The following KCNQ5 variants were observed in gnomAD, a reference collection of about 807,000 sequenced individuals.
KCNQ5 encodes the protein potassium voltage-gated channel subfamily Q member 5, also known as potassium voltage-gated channel subfamily KQT member 5.
A neutral mutation model predicts 98.2 loss-of-function variants in KCNQ5; 30 were observed. The ratio of observed to expected loss-of-function variants is 0.31; its 90% CI spans 0.23 to 0.41. The LOEUF is 0.41. KCNQ5 is among the 10% of genes least tolerant of loss of function. KCNQ5 has a pLI of 1.00. For missense variants in KCNQ5, 835 were observed against 1,182.5 expected (o/e 0.71, Z 4.31); for synonymous variants, 458 against 449.4 (o/e 1.02, Z -0.24).
At chr6:73,126,068 A>G (rs902350620) in intron 9 of KCNQ5, among the ~76,000 whole-genome samples, 1 of 152,338 alleles carries the variant, frequency 6.6e-6, no homozygotes. Context: ...TTTTACTTGA[A>G]AAAAGTTACA....
chr6:73,041,872 A>C, intron 2 of KCNQ5, 64 bp from the exon 3 acceptor site: 108 of 1,589,478 alleles, frequency 6.8e-5, no homozygotes, highest in Non-Finnish European at 8.5e-5. Context: ...AAATATGCAT[A>C]GAGCTTCTTA....
intron 1 of KCNQ5, among the ~76,000 whole-genome samples, chr6:72,710,764 T>C (rs903667083): frequency 5.3e-5 from 8 of 152,146 alleles, no homozygotes; most frequent in African/African-American, 1.9e-4. Flanking sequence ...ATACCCCCAC[T>C]TTTAACATTG....
At chr6:73,051,130 T>C (rs1772215061) in intron 3 of KCNQ5, among the ~76,000 whole-genome samples, 1 of 152,206 alleles carries the variant, frequency 6.6e-6, no homozygotes, top group Admixed American at 6.5e-5. Context: ...GCCAAACTAT[T>C]TCCTTTTAAA....
intron 5 of KCNQ5, among the ~76,000 whole-genome samples, chr6:73,104,209 A>C (rs1349372689): frequency 6.6e-6 from 1 of 152,074 alleles, no homozygotes; most frequent in African/African-American, 2.4e-5. Context: ...AAAACCCTAA[A>C]GATTCCAGAA....
At chr6:72,823,107 A>T (rs1317413602) in intron 1 of KCNQ5, among the ~76,000 whole-genome samples, 1 of 152,186 alleles carries the variant, frequency 6.6e-6, no homozygotes, top group Non-Finnish European at 1.5e-5. Flanking sequence ...GGTTCCAGGG[A>T]TTAGAATGTG....
chr6:72,858,863 T>C (rs923034200), intron 1 of KCNQ5, among the ~76,000 whole-genome samples: 2 of 152,242 alleles, frequency 1.3e-5, no homozygotes, highest in East Asian at 1.9e-4. Context: ...TTAATATCTA[T>C]AGTTTAGTTA....
At chr6:72,759,983 C>T (rs1289409241) in intron 1 of KCNQ5, among the ~76,000 whole-genome samples, 3 of 151,946 alleles carry the variant, frequency 2.0e-5, no homozygotes, top group Non-Finnish European at 4.4e-5. Flanking sequence ...TGAGACAACC[C>T]TTACTAAAAG....
chr6:72,935,885 G>A (rs1289069440), intron 1 of KCNQ5, among the ~76,000 whole-genome samples: 1 of 152,136 alleles, frequency 6.6e-6, no homozygotes, highest in Non-Finnish European at 1.5e-5. Flanking sequence ...TTTGGATCCA[G>A]CATTCCAGAT....
At chr6:72,686,859 C>CTGTT (rs1767985141) in intron 1 of KCNQ5, among the ~76,000 whole-genome samples, 1 of 150,738 alleles carries the variant, frequency 6.6e-6, no homozygotes, top group Admixed American at 6.6e-5. Context: ...TGTTCTGTAT[C>CTGTT]TGTTTATTTC....
chr6:72,806,745 C>CTT (rs893784738), intron 1 of KCNQ5: 13 of 441,338 alleles, frequency 2.9e-5, no homozygotes, highest in African/African-American at 2.5e-4. Context: ...AACTGCAGTA[C>CTT]TGAGTTCCCA....
At position 72,859,668 on chromosome 6, in the gene KCNQ5, C is replaced by A. The variant is rs191999055; in HGVS notation, c.399-144240C>A. Reference sequence around the variant, plus strand: ...CAATCACAGCTCATGGCAGCCTCGACCTCCCCAGGCTCAGGTGATCCTTCC... The same window carrying A: ...CAATCACAGCTCATGGCAGCCTCGAACTCCCCAGGCTCAGGTGATCCTTCC... On this transcript the variant is annotated intron_variant, in intron 1 of 13. Transcript: ENST00000370398. 1.2e-3 allele frequency among the ~76,000 whole-genome samples: 188 copies of A among 152,164 alleles called. 2 individuals are homozygous for A. The highest frequency in any genetic ancestry group is 3.8e-3 in the African/African-American group (158 of 41,514).
intron 10 of KCNQ5, among the ~76,000 whole-genome samples, chr6:73,150,109 G>A (rs781242498): frequency 3.3e-5 from 5 of 151,710 alleles, no homozygotes; most frequent in Admixed American, 6.6e-5. Flanking sequence ...AAGAAAAGAT[G>A]TTTAATATCA....
At chr6:72,986,451 A>G (rs569671919) in intron 1 of KCNQ5, 39 of 480,566 alleles carry the variant, frequency 8.1e-5, no homozygotes, top group African/African-American at 7.0e-4. Context: ...TCAATACTCA[A>G]TTTTAAACAA....
Position 72,622,237 on chromosome 6 carries a change from C to T in KCNQ5, c.48C>T (p.Leu16=). The T allele has an allele frequency of 1.6e-6, 2 of 1,245,108 alleles. No homozygotes were observed. Among genetic ancestry groups the T allele is most frequent in the Non-Finnish European group, 2.0e-6 (2 of 997,186 alleles). The allele number at this position is 1,245,108 out of a possible 1,614,324, so 77.1% of individuals were successfully genotyped here. A position where few individuals can be genotyped will look rare whatever the true frequency, so the allele number is the denominator to read the frequency against. The change falls in exon 1 of 14, where the codon CTC becomes CTT. Residue 16 remains leucine (L), a synonymous_variant. Transcript: ENST00000370398. This position sits in a 1 kb window ranked among gnomAD's most constrained non-coding sequence, Gnocchi z 6.0. The part of the protein sequence containing the change: ...AGGEEGGAAG[L]WVKSGAAAAA... Reference sequence around the variant, plus strand: ...GAGAGGAGGGCGGCGCCGCCGGGCTCTGGGTGAAGAGCGGCGCAGCGGCGG... The same window carrying T: ...GAGAGGAGGGCGGCGCCGCCGGGCTTTGGGTGAAGAGCGGCGCAGCGGCGG...
chr6:72,997,833 G>A (rs559603426), intron 1 of KCNQ5, among the ~76,000 whole-genome samples: 1 of 145,426 alleles, frequency 6.9e-6, no homozygotes, highest in Admixed American at 6.9e-5. Flanking sequence ...TTCAGTGATA[G>A]TATTTATTGA....
chr6:73,109,827 C>G (rs893881240), intron 6 of KCNQ5, among the ~76,000 whole-genome samples: 3 of 152,140 alleles, frequency 2.0e-5, no homozygotes, highest in Non-Finnish European at 4.4e-5. Context: ...GTCATTTATA[C>G]TAATTAATAA....
intron 10 of KCNQ5, among the ~76,000 whole-genome samples, chr6:73,149,301 T>A (rs1777049033): frequency 6.6e-6 from 1 of 152,170 alleles, no homozygotes; most frequent in East Asian, 1.9e-4. Flanking sequence ...GCCTTTTAGG[T>A]TTTACTCAAA....
chr6:73,025,944 T>C (rs940884120), intron 2 of KCNQ5, among the ~76,000 whole-genome samples: 7 of 152,162 alleles, frequency 4.6e-5, no homozygotes, highest in African/African-American at 7.2e-5. Context: ...AATGAGGATA[T>C]GATATATTTA....
chr6:72,855,349 T>C (rs1191317280), intron 1 of KCNQ5, among the ~76,000 whole-genome samples: 1 of 152,110 alleles, frequency 6.6e-6, no homozygotes, highest in Non-Finnish European at 1.5e-5. Context: ...TACATTATTT[T>C]ACTAAAATGC....
Sources: allele counts gnomAD v4.1 joint callset (sites outside exome capture counted in the v4.1 genomes callset), GRCh38; gene constraint gnomAD v4.1.1; non-coding constraint Gnocchi (gnomAD v3.1); transcripts MANE v1.5; gene names NCBI Gene and HGNC (gene_info 2026-07-23, HGNC 2026-07-21).